The following C2orf42 variants were observed in gnomAD, a reference collection of about 807,000 sequenced individuals.
C2orf42 encodes the protein uncharacterized protein C2orf42.
A neutral mutation model predicts 58.9 loss-of-function variants in C2orf42; 44 were observed. The ratio of observed to expected loss-of-function variants is 0.75; its 90% CI spans 0.59 to 0.96. The LOEUF (loss-of-function observed/expected upper bound fraction) is 0.96, where lower values mean the gene tolerates loss of function less well. C2orf42 is among the 40% of genes least tolerant of loss of function. The pLI is 0.00. For synonymous variants in C2orf42, 239 were observed against 265.4 expected, an observed-to-expected ratio of 0.90 and a Z score of 0.97; for missense variants, 630 against 699.2, an observed-to-expected ratio of 0.90 and a Z score of 1.12.
chr2:70,167,752 G>C (rs1271646642), intron 6 of C2orf42, among the ~76,000 whole-genome samples: 2 of 151,562 alleles, frequency 1.3e-5, no homozygotes, highest in East Asian at 3.9e-4. Context: ...AAATAAAAAA[G>C]AATTAACTTC....
chr2:70,174,720 G>A (rs1674070439), intron 5 of C2orf42, among the ~76,000 whole-genome samples: 2 of 149,996 alleles, frequency 1.3e-5, no homozygotes, highest in East Asian at 4.0e-4. Flanking sequence ...GCCCAGGATG[G>A]AGGAAAATGG....
intron 5 of C2orf42, among the ~76,000 whole-genome samples, chr2:70,172,279 C>T (rs571699892): frequency 2.3e-4 from 34 of 150,318 alleles, no homozygotes; most frequent in Non-Finnish European, 1.6e-4. Context: ...CACTGAGTGA[C>T]GAGGGTCCAT....
intron 8 of C2orf42, among the ~76,000 whole-genome samples, chr2:70,162,374 G>A (rs544183622): frequency 1.1e-4 from 16 of 151,130 alleles, no homozygotes; most frequent in African/African-American, 3.2e-4. Flanking sequence ...CTGGCCTGGC[G>A]CACTGGCTCA....
At chr2:70,164,086 C>T (rs1257049790) in intron 8 of C2orf42, among the ~76,000 whole-genome samples, 1 of 149,668 alleles carries the variant, frequency 6.7e-6, no homozygotes, top group African/African-American at 2.5e-5. Context: ...CTGCGGCAGA[C>T]AGATTGCTCG....
intron 5 of C2orf42, among the ~76,000 whole-genome samples, chr2:70,172,746 G>A (rs138939280): frequency 1.3e-5 from 2 of 152,272 alleles, no homozygotes; most frequent in Non-Finnish European, 2.9e-5. Context: ...ATCACCTTTT[G>A]TAGAGATAAT....
intron 1 of C2orf42, among the ~76,000 whole-genome samples, chr2:70,189,890 G>A (rs1216087174): frequency 6.6e-6 from 1 of 150,662 alleles, no homozygotes; most frequent in Non-Finnish European, 1.5e-5. Flanking sequence ...ACTGTGGAGT[G>A]AAAAAAGTGC....
At chr2:70,178,076 C>A (rs1215020725) in intron 4 of C2orf42, among the ~76,000 whole-genome samples, 3 of 152,160 alleles carry the variant, frequency 2.0e-5, no homozygotes, top group Non-Finnish European at 4.4e-5. Flanking sequence ...AAAAAACACA[C>A]AAACTTTGCT....
Position 70,189,762 on chromosome 2 carries a change from C to CACG in C2orf42, c.-282+1208_-282+1210dup, listed in dbSNP as rs1675212869. ...GCCTGAGTAGCTGGACGTGGTGGCT[C>CACG]ACGCCTGTAATCCCAGCACTTTGGG... On this transcript the variant is annotated intron_variant, in intron 1 of 9. Transcript: ENST00000264434. Among the ~76,000 whole-genome samples the CACG allele has an allele frequency of 2.0e-5, 3 of 150,136 alleles. No homozygotes were observed. In the South Asian group the frequency reaches 6.4e-4, roughly 32 times the overall value.
intron 8 of C2orf42, among the ~76,000 whole-genome samples, 154 bp downstream of exon 8, chr2:70,164,938 C>T (rs1336610923): frequency 1.3e-5 from 2 of 151,952 alleles, no homozygotes; most frequent in East Asian, 1.9e-4. Context: ...GGAGTCAGAA[C>T]TATAAAGCCA....
chr2:70,151,874 C>G (rs1672336257), intron 9 of C2orf42, among the ~76,000 whole-genome samples: 1 of 151,968 alleles, frequency 6.6e-6, no homozygotes, highest in Non-Finnish European at 1.5e-5. Flanking sequence ...CCTCCACCTC[C>G]TGGGTTCAGG....
rs1197022128 is a variant in C2orf42, at chr2:70,181,853, T to G, written c.133A>C (p.Lys45Gln). 14 of 1,614,154 alleles carry G rather than the reference T, an allele frequency of 8.7e-6. No individual in the cohort carries two copies. In the South Asian group the frequency reaches 1.5e-4, roughly 18 times the overall value. Residue 45 changes from lysine (K) to glutamine (Q), a missense_variant, in exon 3 of 10, where the codon AAG becomes CAG. Transcript: ENST00000264434. Reference sequence around the variant, plus strand: ...TAGCGGAATATGGTTCCACATGTCTTGTTCTTACAGCTCAGTCCCCGGGTT... The same window carrying G: ...TAGCGGAATATGGTTCCACATGTCTGGTTCTTACAGCTCAGTCCCCGGGTT... ...NGTRGLSCKN[K>Q]TCGTIFRYGA...
intron 1 of C2orf42, among the ~76,000 whole-genome samples, chr2:70,189,197 G>T (rs956525344): frequency 1.3e-4 from 19 of 150,670 alleles, no homozygotes; most frequent in Non-Finnish European, 2.4e-4. Context: ...ACCTGAGGTC[G>T]GGAGTTCCTG....
chr2:70,170,491 G>C (rs1437426929), intron 5 of C2orf42, among the ~76,000 whole-genome samples: 1 of 151,670 alleles, frequency 6.6e-6, no homozygotes, highest in Admixed American at 6.6e-5. Flanking sequence ...CAAATGATCT[G>C]CACGCCTTGG....
At chr2:70,154,414 TAAAAAAAAAAAAA>T (rs36028499) in intron 9 of C2orf42, among the ~76,000 whole-genome samples, 13 of 25,604 alleles carry the variant, frequency 5.1e-4, no homozygotes, top group African/African-American at 1.2e-3. Context: ...AAATTTTTAC[TAAAAAAAAAAAAA>T]AAAAAAAAAA....
intron 5 of C2orf42, among the ~76,000 whole-genome samples, chr2:70,173,410 A>T (rs1433151626): frequency 1.3e-5 from 2 of 150,230 alleles, no homozygotes; most frequent in East Asian, 4.0e-4. Context: ...AGTAGCTGGG[A>T]TTACAGGCAC....
intron 9 of C2orf42, among the ~76,000 whole-genome samples, chr2:70,152,503 C>A (rs977577178): frequency 6.6e-6 from 1 of 152,114 alleles, no homozygotes; most frequent in African/African-American, 2.4e-5. Flanking sequence ...AGAAACCTAC[C>A]CAGACTTTGG....
At chr2:70,162,316 GCTTT>G (rs756227877) in intron 8 of C2orf42, among the ~76,000 whole-genome samples, 51 of 142,276 alleles carry the variant, frequency 3.6e-4, no homozygotes, top group Non-Finnish European at 4.9e-4. Flanking sequence ...AGCCTCTTTT[GCTTT>G]CTTTCTTTCT....
intron 9 of C2orf42, among the ~76,000 whole-genome samples, chr2:70,151,034 C>T (rs1268846810): frequency 2.6e-5 from 4 of 152,174 alleles, no homozygotes; most frequent in African/African-American, 9.7e-5. Context: ...TGAGCCACCA[C>T]GCCCAGCCAT....
In C2orf42 at chr2:70,181,921, A is replaced by G; in HGVS notation, c.65T>C (p.Leu22Ser). 6.2e-7 allele frequency: 1 copy of G among 1,613,946 alleles called. No homozygotes were observed. The highest frequency in any genetic ancestry group is 2.2e-5 in the East Asian group (1 of 44,880). The change falls in exon 3 of 10, where the codon TTG (leucine) becomes TCG (serine). Residue 22 changes from leucine (L) to serine (S), a missense_variant. Leu to Ser is a moderately radical substitution (Grantham distance 145, BLOSUM62 -2). Coordinates refer to ENST00000264434, the MANE Select transcript of C2orf42 (RefSeq NM_017880.3). Reference sequence around the variant, plus strand: ...TCGGGGACACTTTCTGATTCCCCTCAATGTGGCCTTCCCCAAATCAGATAA... The same window carrying G: ...TCGGGGACACTTTCTGATTCCCCTCGATGTGGCCTTCCCCAAATCAGATAA... ...AFLSDLGKAT[L>S]RGIRKCPRCG...
Sources: allele counts gnomAD v4.1 joint callset (sites outside exome capture counted in the v4.1 genomes callset), GRCh38; gene constraint gnomAD v4.1.1; transcripts MANE v1.5; gene names NCBI Gene and HGNC (gene_info 2026-07-23, HGNC 2026-07-21).